The following EYS variants were observed in gnomAD, a reference collection of about 807,000 sequenced individuals.
The protein encoded by EYS is protein eyes shut homolog.
In EYS, 250 loss-of-function variants were observed where a neutral mutation model predicts 282.1. That is an observed-to-expected ratio of 0.89 (90% CI 0.80 to 0.98). EYS has a LOEUF of 0.98. Among genes scored for constraint, EYS ranks in the 50% least tolerant of loss-of-function variants. EYS has a pLI of 0.00. For missense variants in EYS, 4,016 were observed against 3,709.0 expected (o/e 1.08, Z -2.15); for synonymous variants, 1,355 against 1,282.9 (o/e 1.06, Z -1.20).
intron 13 of EYS, among the ~76,000 whole-genome samples, chr6:65,011,001 C>T (rs1222461877): frequency 6.6e-6 from 1 of 152,196 alleles, no homozygotes; most frequent in Non-Finnish European, 1.5e-5. Context: ...CAGGACCCTC[C>T]ATTAGAAATG....
chr6:65,456,967 C>G (rs1032354853), intron 5 of EYS, among the ~76,000 whole-genome samples: 2 of 151,884 alleles, frequency 1.3e-5, no homozygotes, highest in African/African-American at 2.4e-5. Flanking sequence ...CCATTATCTC[C>G]TGAGCACATG....
chr6:64,983,747 A>G (rs1770759288), intron 14 of EYS, among the ~76,000 whole-genome samples: 1 of 151,134 alleles, frequency 6.6e-6, no homozygotes, highest in African/African-American at 2.4e-5. Context: ...TTTTTCTGCT[A>G]AGTTTTAAGA....
At chr6:64,752,897 A>C (rs1772808832) in intron 22 of EYS, among the ~76,000 whole-genome samples, 1 of 152,176 alleles carries the variant, frequency 6.6e-6, no homozygotes, top group Non-Finnish European at 1.5e-5. Context: ...AAATGGATAC[A>C]TTCCTGGAAA....
At chr6:65,418,100 T>C (rs1031747560) in intron 5 of EYS, among the ~76,000 whole-genome samples, 2 of 152,014 alleles carry the variant, frequency 1.3e-5, no homozygotes, top group East Asian at 1.9e-4. Flanking sequence ...TGGAAAAATA[T>C]GCATATGTTA....
At chr6:65,537,166 G>A (rs10080847) in intron 2 of EYS, among the ~76,000 whole-genome samples, 17,667 of 151,976 alleles carry the variant, frequency 0.12, 1,583 homozygotes, top group African/African-American at 0.24. Context: ...ACGGATACAG[G>A]GAGGGGAACA....
At chr6:64,510,883 C>T (rs774817748) in intron 26 of EYS, among the ~76,000 whole-genome samples, 6 of 152,020 alleles carry the variant, frequency 3.9e-5, no homozygotes, top group South Asian at 2.1e-4. Flanking sequence ...GACAATTCCA[C>T]GGAGTTGATA....
At chr6:64,409,249 A>G (rs1299472381) in intron 28 of EYS, among the ~76,000 whole-genome samples, 7 of 152,186 alleles carry the variant, frequency 4.6e-5, no homozygotes, top group East Asian at 1.9e-4. Flanking sequence ...AAGTACTGCA[A>G]TGCACATATG....
intron 11 of EYS, among the ~76,000 whole-genome samples, chr6:65,323,368 G>T (rs1769530326): frequency 6.6e-6 from 1 of 150,438 alleles, no homozygotes; most frequent in African/African-American, 2.4e-5. Context: ...TCTTATTTAA[G>T]AGGATGAGAT....
At chr6:64,263,598 A>G (rs966244588) in intron 30 of EYS, among the ~76,000 whole-genome samples, 3 of 152,098 alleles carry the variant, frequency 2.0e-5, no homozygotes, top group Non-Finnish European at 2.9e-5. Flanking sequence ...TGAAAGCCAT[A>G]TTGTCACTGT....
chr6:65,239,786 CA>C (rs1158369787), intron 12 of EYS, among the ~76,000 whole-genome samples: 1 of 151,936 alleles, frequency 6.6e-6, no homozygotes, highest in African/African-American at 2.4e-5. Context: ...TTGTATAATA[CA>C]AAATACTAAT....
At chr6:64,486,730 C>T (rs992789241) in intron 26 of EYS, among the ~76,000 whole-genome samples, 1 of 151,152 alleles carries the variant, frequency 6.6e-6, no homozygotes, top group Non-Finnish European at 1.5e-5. Flanking sequence ...ATCATGAATC[C>T]CCAAGGAACC....
rs1769710156 is a variant in EYS, at chr6:65,329,268, A to C, written c.1766+5712T>G. On this transcript the variant is annotated intron_variant, in intron 11 of 42. Transcript: ENST00000503581. ...TAAATTTCAACCCATATGAAACTTG[A>C]AACTTTATTATTCAAAAATGCTTCA... 4.1e-6 allele frequency: 3 copies of C among 738,366 alleles called. No individual in the cohort carries two copies. In the South Asian group the frequency reaches 1.9e-4, roughly 46 times the overall value. The allele number at this position is 738,366 out of a possible 1,614,324, so 45.7% of individuals were successfully genotyped here. A position where few individuals can be genotyped will look rare whatever the true frequency, so the allele number is the denominator to read the frequency against.
intron 1 of EYS, among the ~76,000 whole-genome samples, chr6:65,659,587 AG>A (rs1212625286): frequency 6.6e-6 from 1 of 151,724 alleles, no homozygotes; most frequent in Non-Finnish European, 1.5e-5. Flanking sequence ...AGCTGATAAA[AG>A]TTAAAAGAAT....
At chr6:65,342,124 G>T (rs960815487) in intron 10 of EYS, among the ~76,000 whole-genome samples, 1 of 150,872 alleles carries the variant, frequency 6.6e-6, no homozygotes, top group Admixed American at 6.6e-5. Context: ...AAATACTGAG[G>T]TTTGCTCATT....
intron 31 of EYS, among the ~76,000 whole-genome samples, chr6:64,210,302 C>T (rs1171441999): frequency 3.9e-5 from 6 of 152,110 alleles, no homozygotes. Context: ...TATTTTCTCA[C>T]AGTTTTGGAG....
chr6:65,665,317 T>C (rs1236048664), intron 1 of EYS, among the ~76,000 whole-genome samples: 1 of 152,148 alleles, frequency 6.6e-6, no homozygotes, highest in Non-Finnish European at 1.5e-5. Flanking sequence ...GTATACTTTC[T>C]TTCTTCATTT....
chr6:64,590,291 G>A lies in EYS; in HGVS notation c.5576C>T (p.Pro1859Leu). 2 of 1,551,158 alleles carry A rather than the reference G, an allele frequency of 1.3e-6. No individual in the cohort carries two copies. Among genetic ancestry groups the A allele is most frequent in the Non-Finnish European group, 1.7e-6 (2 of 1,146,610 alleles). ...QEFPTASRHL[P>L]FTRSLTLSSL... ...AGACAAAGTAAGAGATCTAGTGAAG[G>A]GAAGATGCCGGCTTGCAGTGGGAAA... The change falls in exon 26 of 43, where the codon CCC becomes CTC. Residue 1859 changes from proline (P) to leucine (L), a missense_variant. Transcript: ENST00000503581.
At chr6:65,151,543 G>T (rs138969187) in intron 12 of EYS, among the ~76,000 whole-genome samples, 252 of 152,088 alleles carry the variant, frequency 1.7e-3, no homozygotes, top group African/African-American at 5.4e-3. Context: ...ATTGCATGCA[G>T]AAAGCTGTCT....
intron 23 of EYS, among the ~76,000 whole-genome samples, chr6:64,622,450 A>G (rs1767475721): frequency 6.6e-6 from 1 of 152,180 alleles, no homozygotes; most frequent in Non-Finnish European, 1.5e-5. Flanking sequence ...ATCCAGGTTA[A>G]ATTTCAGTGT....
Sources: allele counts gnomAD v4.1 joint callset (sites outside exome capture counted in the v4.1 genomes callset), GRCh38; gene constraint gnomAD v4.1.1; transcripts MANE v1.5; gene names NCBI Gene and HGNC (gene_info 2026-07-23, HGNC 2026-07-21).